The following SMIM8 variants were observed in gnomAD, a reference collection of about 807,000 sequenced individuals.
SMIM8 encodes the protein small integral membrane protein 8.
SMIM8 carries 8 observed loss-of-function variants against 8.1 expected under a neutral mutation model. The observed-to-expected ratio is 0.99, with a 90% CI of 0.58 to 1.78. SMIM8 has a LOEUF of 1.78. Ranked by LOEUF, SMIM8 falls within the 40% of genes most tolerant of loss-of-function variation. The pLI is 0.00. For synonymous variants in SMIM8, 45 were observed against 39.7 expected, an observed-to-expected ratio of 1.13 and a Z score of -0.50; for missense variants, 126 against 119.8, an observed-to-expected ratio of 1.05 and a Z score of -0.24.
At chr6:87,335,344 A>T (rs1046697326) in intron 2 of SMIM8, among the ~76,000 whole-genome samples, 2 of 152,162 alleles carry the variant, frequency 1.3e-5, no homozygotes, top group African/African-American at 4.8e-5. Flanking sequence ...AAGTTACCAA[A>T]TCCTGAAGTT....
chr6:87,332,599 G>A, intron 2 of SMIM8, among the ~76,000 whole-genome samples: 1 of 150,918 alleles, frequency 6.6e-6, no homozygotes, highest in East Asian at 1.9e-4. Context: ...CAGGTGTGGA[G>A]TGAGTTCATC....
intron 2 of SMIM8, among the ~76,000 whole-genome samples, chr6:87,334,357 A>G (rs1291025513): frequency 6.6e-6 from 1 of 152,258 alleles, no homozygotes; most frequent in Admixed American, 6.5e-5. Context: ...ACACTGTTTC[A>G]GTAGAGAAAA....
At position 87,337,151 on chromosome 6, in the gene SMIM8, G is replaced by C. The variant is rs1304194946; in HGVS notation, c.120G>C (p.Glu40Asp). Residue 40 changes from glutamate (E) to aspartate (D), a missense_variant, in exon 3 of 4, where the codon GAG (glutamate) becomes GAC (aspartate). Physicochemically the swap from Glu to Asp is conservative, Grantham distance 45 (BLOSUM62 2). Transcript: ENST00000392863. ...TTTLFRAVNP[E>D]LFIKPNKPVM... is the part of the protein sequence containing the mutation. ...CCTTATTTCGTGCTGTGAATCCAGA[G>C]CTCTTCATTAAACCTGTAAGAAATA... 6.2e-7 allele frequency: 1 copy of C among 1,611,080 alleles called. No homozygotes were observed.
At chr6:87,338,634 C>G (rs1429420340) in intron 3 of SMIM8, among the ~76,000 whole-genome samples, 1 of 152,176 alleles carries the variant, frequency 6.6e-6, no homozygotes, top group Non-Finnish European at 1.5e-5. Context: ...TGTCTCATTC[C>G]AATGCCTCTC....
chr6:87,338,905 G>GTTT (rs1777163637), intron 3 of SMIM8, among the ~76,000 whole-genome samples: 1 of 123,814 alleles, frequency 8.1e-6, no homozygotes, highest in Non-Finnish European at 1.7e-5. Context: ...GTATTTAAAA[G>GTTT]CTTTTTTTTT....
intron 2 of SMIM8, among the ~76,000 whole-genome samples, chr6:87,334,891 T>TG (rs1777072938): frequency 6.6e-6 from 1 of 152,220 alleles, no homozygotes; most frequent in South Asian, 2.1e-4. Context: ...AGTATGCTCT[T>TG]GCCAGTAGAC....
At chr6:87,333,675 T>C (rs1777042841) in intron 2 of SMIM8, among the ~76,000 whole-genome samples, 1 of 152,136 alleles carries the variant, frequency 6.6e-6, no homozygotes, top group Non-Finnish European at 1.5e-5. Flanking sequence ...TTTTGAAAGA[T>C]TGAGCCAAGA....
chr6:87,325,435 C>T lies in SMIM8; in HGVS notation c.-45+2803C>T, dbSNP rs556798685. On this transcript the variant is annotated intron_variant, in intron 1 of 3. Coordinates refer to ENST00000392863, the MANE Select transcript of SMIM8 (RefSeq NM_001042493.3). ...AGATAGCTCTTATTATTTTGAGATA[C>T]GTCCCATCAATACCTAATTTATTGA... 3.1e-3 allele frequency among the ~76,000 whole-genome samples: 454 copies of T among 147,846 alleles called. 7 individuals carry two copies. Among genetic ancestry groups the T allele is most frequent in the East Asian group, 0.014 (72 of 5,124 alleles).
rs1777206792 is a variant in SMIM8 at position 87,340,576 on chromosome 6, T to G, written c.*302T>G. On this transcript the variant is annotated 3_prime_UTR_variant, in exon 4 of 4. Transcript: ENST00000392863. ...TTCTGTATAATAAAAGTACCCATGCTGTTAAATTTGCATGATGTTTTAAAT... is the reference window on the plus strand; with the variant it reads ...TTCTGTATAATAAAAGTACCCATGCGGTTAAATTTGCATGATGTTTTAAAT... 1 of 186,308 alleles carries G rather than the reference T, an allele frequency of 5.4e-6. No homozygotes were observed. Among genetic ancestry groups the G allele is most frequent in the Non-Finnish European group, 1.1e-5 (1 of 91,198 alleles). The allele number at this position is 186,308 out of a possible 1,614,324, so 11.5% of individuals were successfully genotyped here.
intron 3 of SMIM8, 53 bp from the exon 4 acceptor site, chr6:87,340,063 C>G: frequency 7.1e-7 from 1 of 1,408,828 alleles, no homozygotes; most frequent in South Asian, 1.7e-5. Flanking sequence ...ATATTTGGGT[C>G]TCCTCAAATT....
chr6:87,332,903 A>G (rs1777024756), intron 2 of SMIM8, among the ~76,000 whole-genome samples: 1 of 152,110 alleles, frequency 6.6e-6, no homozygotes, highest in Non-Finnish European at 1.5e-5. Flanking sequence ...AATGTTCCTT[A>G]TAGGTTTGGC....
rs555053956 is a variant in SMIM8, at chr6:87,339,655, C to G, written c.136-461C>G. ...AAGGTTTTTTGCCAGTTATTCATGA[C>G]TTGGGCAAGAAGAATAGCATGTCTA... On this transcript the variant is annotated intron_variant, in intron 3 of 3. Transcript: ENST00000392863. Among the ~76,000 whole-genome samples, 6 of 152,216 alleles carry G rather than the reference C, an allele frequency of 3.9e-5. No homozygotes were observed. In the South Asian group the frequency reaches 1.2e-3, roughly 32 times the overall value.
chr6:87,332,642 A>G (rs1052588993), intron 2 of SMIM8, among the ~76,000 whole-genome samples: 2 of 40,870 alleles, frequency 4.9e-5, no homozygotes, highest in Non-Finnish European at 1.1e-4. Context: ...TCATCCACAC[A>G]AAGTATATGT....
chr6:87,334,058 A>G (rs1777050208), intron 2 of SMIM8, among the ~76,000 whole-genome samples: 1 of 152,174 alleles, frequency 6.6e-6, no homozygotes, highest in Admixed American at 6.5e-5. Context: ...AGGGAGGGGA[A>G]GAAGTGTCAC....
intron 3 of SMIM8, 148 bp downstream of exon 3, chr6:87,337,314 G>A (rs1452079424): frequency 2.6e-6 from 2 of 768,680 alleles, no homozygotes; most frequent in Middle Eastern, 3.7e-4. Context: ...AAGGACGATT[G>A]TAAATGCTGT....
In SMIM8 at chr6:87,339,911, C is replaced by T. The variant is rs151217819; in HGVS notation, c.136-205C>T. On this transcript the variant is annotated intron_variant, in intron 3 of 3. Coordinates refer to ENST00000392863, the MANE Select transcript of SMIM8 (RefSeq NM_001042493.3). ...TGGGAGAAAGCCTGGAGAGGAGAAG[C>T]AAGAGTCTTCTATAATCTCTAGATA... is the stretch of plus-strand genomic sequence containing the variant. Among the ~76,000 whole-genome samples the T allele has an allele frequency of 1.4e-3, 218 of 151,628 alleles. 1 individual carries two copies. Among genetic ancestry groups the T allele is most frequent in the South Asian group, 0.013 (61 of 4,792 alleles).
chr6:87,332,550 ATAAT>A (rs1490130401), intron 2 of SMIM8, among the ~76,000 whole-genome samples: 1 of 149,590 alleles, frequency 6.7e-6, no homozygotes, highest in African/African-American at 2.4e-5. Context: ...TAATTAATAT[ATAAT>A]TATATGTAAC....
chr6:87,337,143 A>G lies in SMIM8; in HGVS notation c.112A>G (p.Asn38Asp). The change falls in exon 3 of 4, where the codon AAT becomes GAT. Residue 38 changes from asparagine to aspartate, a missense_variant. Coordinates refer to ENST00000392863, the MANE Select transcript of SMIM8 (RefSeq NM_001042493.3). Reference protein sequence around the residue: ...VRTTTLFRAVNPELFIKPNKP... With the variant: ...VRTTTLFRAVDPELFIKPNKP... ...CACAACAACCTTATTTCGTGCTGTGAATCCAGAGCTCTTCATTAAACCTGT... is the reference window on the plus strand; with the variant it reads ...CACAACAACCTTATTTCGTGCTGTGGATCCAGAGCTCTTCATTAAACCTGT... 6.2e-7 allele frequency: 1 copy of G among 1,611,780 alleles called. No homozygotes were observed. Among genetic ancestry groups the G allele is most frequent in the Non-Finnish European group, 8.5e-7 (1 of 1,178,694 alleles).
Position 87,340,261 on chromosome 6 carries a change from C to G in SMIM8, c.281C>G (p.Ser94Cys). ...EGHSYMRRKTSKWD is the reference protein window; with the variant it reads ...EGHSYMRRKTCKWD ...CACAGTTATATGAGGCGGAAAACAT[C>G]CAAATGGGATTAGTAGTGCTGGTTA... Residue 94 changes from serine to cysteine, a missense_variant, in exon 4 of 4, where the codon TCC becomes TGC. Ser to Cys is a moderately radical substitution (Grantham distance 112, BLOSUM62 -1). Transcript: ENST00000392863. 1 of 1,598,240 alleles carries G rather than the reference C, an allele frequency of 6.3e-7. No individual in the cohort carries two copies. Among genetic ancestry groups the G allele is most frequent in the South Asian group, 1.1e-5 (1 of 87,528 alleles).
Sources: gnomAD v4.1 joint callset for allele counts (sites outside exome capture counted in the v4.1 genomes callset) on GRCh38, gnomAD v4.1.1 for gene constraint, MANE v1.5 for transcripts, NCBI Gene and HGNC (gene_info 2026-07-23, HGNC 2026-07-21) for gene names.